The following LMF1 variants were observed in gnomAD, a reference collection of about 807,000 sequenced individuals.
LMF1 encodes lipase maturation factor 1.
In LMF1, 68 loss-of-function variants were observed where a neutral mutation model predicts 60.6. That is an observed-to-expected ratio of 1.12 (90% CI 0.92 to 1.37). The LOEUF (loss-of-function observed/expected upper bound fraction) is 1.37. Among genes scored for constraint, LMF1 ranks in the 40% most tolerant of loss-of-function variants. LMF1 has a pLI of 0.00. For synonymous variants in LMF1, 418 were observed against 324.7 expected (o/e 1.29, Z -3.09); for missense variants, 948 against 767.2 (o/e 1.24, Z -2.78).
intron 2 of LMF1, among the ~76,000 whole-genome samples, chr16:952,824 A>G (rs1261480775): frequency 7.2e-6 from 1 of 138,958 alleles, no homozygotes; most frequent in East Asian, 2.1e-4. Flanking sequence ...CACCCACCCC[A>G]AACCAGCCTC....
chr16:877,681 G>A (rs116322368), intron 6 of LMF1, among the ~76,000 whole-genome samples: 4,125 of 152,256 alleles, frequency 0.027, 190 homozygotes, highest in African/African-American at 0.093. Context: ...GGCAGTGCGC[G>A]GGGTGGCGGG....
At chr16:952,318 A>C (rs1555473464) in intron 2 of LMF1, among the ~76,000 whole-genome samples, 4 of 125,788 alleles carry the variant, frequency 3.2e-5, no homozygotes, top group African/African-American at 6.4e-5. Context: ...ACCCCCCCCC[A>C]CAGGTGCCCT....
chr16:914,978 G>T (rs545196433), intron 3 of LMF1, among the ~76,000 whole-genome samples: 1 of 152,258 alleles, frequency 6.6e-6, no homozygotes, highest in Non-Finnish European at 1.5e-5. Flanking sequence ...CTAAATCGGC[G>T]TCTCTAAGGA....
At chr16:891,519 C>T (rs1047454268) in intron 5 of LMF1, among the ~76,000 whole-genome samples, 3 of 152,362 alleles carry the variant, frequency 2.0e-5, no homozygotes, top group East Asian at 1.9e-4. Flanking sequence ...CTGTCGCCAC[C>T]GGTGCTGGGC....
upstream of LMF1, chr16:981,348 G>GAA (rs1567354323): frequency 1.8e-3 from 146 of 83,032 alleles, no homozygotes; most frequent in Non-Finnish European, 2.1e-3. Context: ...GAGAGAGAGA[G>GAA]TGTGTGTGTG....
chr16:873,602 CCGCCGAGGACA>C (rs1439060445), intron 6 of LMF1: 5 of 38,980 alleles, frequency 1.3e-4, no homozygotes, highest in East Asian at 8.3e-4. Context: ...CAGGGACCCT[CCGCCGAGGACA>C]TGCCTGTTCG....
intron 2 of LMF1, among the ~76,000 whole-genome samples, chr16:949,215 A>G (rs1378008904): frequency 6.6e-6 from 1 of 151,622 alleles, no homozygotes. Context: ...CCAACGACAG[A>G]GTCAGCCAAC....
At chr16:875,413 A>G (rs987264259) in intron 6 of LMF1, among the ~76,000 whole-genome samples, 2 of 152,108 alleles carry the variant, frequency 1.3e-5, no homozygotes, top group African/African-American at 4.8e-5. Flanking sequence ...CTGAATAAAC[A>G]AGGACGTTTT....
intron 4 of LMF1, among the ~76,000 whole-genome samples, chr16:896,590 G>T (rs1445219575): frequency 2.0e-5 from 3 of 152,182 alleles, no homozygotes; most frequent in Admixed American, 2.0e-4. Context: ...AGCTGACCGG[G>T]CGGAGAAGGC....
In LMF1 at chr16:934,393, C is replaced by T. The variant is rs150569640; in HGVS notation, c.504-139G>A. 984 of 1,046,970 alleles carry T rather than the reference C, an allele frequency of 9.4e-4. 1 individual carries two copies. The highest frequency in any genetic ancestry group is 1.3e-3 in the Non-Finnish European group (907 of 699,892). 64.9% of individuals were successfully genotyped at this position (1,046,970 alleles called of 1,614,324 possible). ...GGAAGCCCTGCGAGGAGGACCTGCC[C>T]GCTGGGCATTAGGGGAACAGGAGCC... On this transcript the variant is annotated intron_variant, in intron 2 of 10. Transcript: ENST00000262301.
At chr16:890,045 C>T (rs2070433542) in intron 5 of LMF1, among the ~76,000 whole-genome samples, 1 of 152,180 alleles carries the variant, frequency 6.6e-6, no homozygotes, top group Non-Finnish European at 1.5e-5. Flanking sequence ...CCTCGCTCTC[C>T]CCACACACTG....
chr16:940,120 C>T (rs1297751996), intron 2 of LMF1, among the ~76,000 whole-genome samples: 5 of 152,052 alleles, frequency 3.3e-5, no homozygotes. Context: ...CCTCCAGGGG[C>T]TGGAAGAGAC....
chr16:860,754 TG>T (rs1161525333), intron 10 of LMF1, among the ~76,000 whole-genome samples: 4 of 151,352 alleles, frequency 2.6e-5, no homozygotes, highest in Non-Finnish European at 5.9e-5. Flanking sequence ...GAATTGCTTT[TG>T]CGCTTTTGTA....
intron 3 of LMF1, among the ~76,000 whole-genome samples, chr16:913,113 T>C (rs2151757475): frequency 6.6e-6 from 1 of 152,352 alleles, no homozygotes; most frequent in Non-Finnish European, 1.5e-5. Context: ...CGCTGCCTGC[T>C]GGGCGCCAGC....
At position 970,893 on chromosome 16, in the gene LMF1, G is replaced by C; in HGVS notation, c.88C>G (p.Pro30Ala). ...GCGGGGCCACGCCCCGGCGCGGGCGGCGACTCAGGCTCCGGATCCGAGTAC... is the reference window on the plus strand; with the variant it reads ...GCGGGGCCACGCCCCGGCGCGGGCGCCGACTCAGGCTCCGGATCCGAGTAC... The part of the protein sequence containing the change: ...TGYSDPEPES[P>A]PAPGRGPAGS... The change falls in exon 1 of 11, where the codon CCG (proline) becomes GCG (alanine). Residue 30 changes from proline to alanine, a missense_variant. Pro to Ala is a conservative substitution (Grantham distance 27, BLOSUM62 -1). Transcript: ENST00000262301. 2 of 1,577,342 alleles carry C rather than the reference G, an allele frequency of 1.3e-6. No individual in the cohort carries two copies. The highest frequency in any genetic ancestry group is 1.2e-5 in the South Asian group (1 of 85,626).
Position 879,537 on chromosome 16 carries a change from G to A in LMF1, c.897+33C>T, listed in dbSNP as rs761116018. 7.8e-5 allele frequency: 125 copies of A among 1,607,624 alleles called. 1 individual carries two copies. In the Admixed American group the frequency reaches 2.0e-3, roughly 26 times the overall value. ...TAGGGCGACGGGCCAGCGTCTCTGT[G>A]GACACGGGGCAGGGCGGGCGGCGCG... On this transcript the variant is annotated intron_variant, in intron 6 of 10. Coordinates refer to ENST00000262301, the MANE Select transcript of LMF1 (RefSeq NM_022773.4).
intron 4 of LMF1, among the ~76,000 whole-genome samples, chr16:909,965 C>T (rs977841440): frequency 7.9e-5 from 12 of 152,206 alleles, no homozygotes; most frequent in African/African-American, 2.4e-4. Context: ...ACGTCTTCAG[C>T]GAATCCTCCA....
intron 1 of LMF1, among the ~76,000 whole-genome samples, chr16:959,698 A>G (rs1177459818): frequency 6.6e-6 from 1 of 152,172 alleles, no homozygotes; most frequent in Admixed American, 6.5e-5. Flanking sequence ...CAAACGCTGC[A>G]CTCCAGGGCT....
chr16:933,847 G>C, intron 3 of LMF1: 2 of 751,390 alleles, frequency 2.7e-6, no homozygotes, highest in South Asian at 1.8e-5. Flanking sequence ...ACCAAACAAA[G>C]CACAAGCCAA....
Sources: allele counts gnomAD v4.1 joint callset (sites outside exome capture counted in the v4.1 genomes callset), GRCh38; gene constraint gnomAD v4.1.1; transcripts MANE v1.5; gene names NCBI Gene and HGNC (gene_info 2026-07-23, HGNC 2026-07-21).